Variants in DIP2C observed in about 807,000 individuals in gnomAD.
DIP2C encodes the protein DIP2 acetate--CoA ligase C (putative).
Under a neutral mutation model 192.4 loss-of-function variants are expected in DIP2C, and 33 were observed. The observed-to-expected ratio is 0.17, with a 90% CI of 0.13 to 0.23. The LOEUF (loss-of-function observed/expected upper bound fraction) is 0.23, where lower values mean the gene tolerates loss of function less well. DIP2C is among the 10% of genes least tolerant of loss of function. The pLI is 1.00. For missense variants in DIP2C, 1,537 were observed against 2,110.1 expected (o/e 0.73, Z 5.32); for synonymous variants, 979 against 864.1 (o/e 1.13, Z -2.33).
At chr10:554,789 A>C (rs1848755957) in intron 1 of DIP2C, among the ~76,000 whole-genome samples, 1 of 152,224 alleles carries the variant, frequency 6.6e-6, no homozygotes, top group South Asian at 2.1e-4. Flanking sequence ...CTTCATCAAA[A>C]GGCATCAGGA....
chr10:447,774 T>G (rs59876801), intron 3 of DIP2C, among the ~76,000 whole-genome samples: 5 of 78,674 alleles, frequency 6.4e-5, no homozygotes, highest in South Asian at 4.4e-4. Context: ...CATCCCCGTC[T>G]ATACTCAGGA....
intron 1 of DIP2C, among the ~76,000 whole-genome samples, chr10:575,721 A>AG (rs1850108333): frequency 1.3e-5 from 2 of 152,208 alleles, no homozygotes. Flanking sequence ...AGGAAGTCAT[A>AG]GGGAGGGCAG....
chr10:303,757 A>C (rs1956173135), intron 32 of DIP2C, among the ~76,000 whole-genome samples: 1 of 152,188 alleles, frequency 6.6e-6, no homozygotes, highest in Non-Finnish European at 1.5e-5. Flanking sequence ...TCCCGACCTC[A>C]GGTGATCTGC....
chr10:483,359 G>A (rs902974139), intron 2 of DIP2C, among the ~76,000 whole-genome samples: 1 of 152,070 alleles, frequency 6.6e-6, no homozygotes, highest in African/African-American at 2.4e-5. Context: ...GGCCAACCAA[G>A]AAAGCAGCCT....
At chr10:505,717 T>C (rs936539296) in intron 1 of DIP2C, among the ~76,000 whole-genome samples, 1 of 149,866 alleles carries the variant, frequency 6.7e-6, no homozygotes, top group Non-Finnish European at 1.5e-5. Flanking sequence ...GGGGACCACC[T>C]GCCCAGCTAT....
At chr10:450,349 G>T (rs901995221) in intron 3 of DIP2C, among the ~76,000 whole-genome samples, 2 of 152,174 alleles carry the variant, frequency 1.3e-5, no homozygotes, top group Non-Finnish European at 2.9e-5. Flanking sequence ...TCAGGATCTG[G>T]CACCTTGACT....
In DIP2C at chr10:544,679, T is replaced by C. The variant is rs773418599; in HGVS notation, c.86-58149A>G. Among the ~76,000 whole-genome samples the C allele has an allele frequency of 9.2e-5, 14 of 152,382 alleles. No individual in the cohort carries two copies. In the East Asian group the frequency reaches 2.7e-3, roughly 29 times the overall value. ...GTGGTTTTCATTTTCATTTCTAAGA[T>C]GACTAATTCTGTTAAATATCTCATG... is the stretch of plus-strand genomic sequence containing the variant. On this transcript the variant is annotated intron_variant, in intron 1 of 36. Transcript: ENST00000280886.
At chr10:522,400 G>C (rs151305535) in intron 1 of DIP2C, among the ~76,000 whole-genome samples, 1 of 152,218 alleles carries the variant, frequency 6.6e-6, no homozygotes, top group African/African-American at 2.4e-5. Context: ...GCAGATTTCC[G>C]CATGGAAGTA....
At chr10:543,453 T>C (rs996951661) in intron 1 of DIP2C, among the ~76,000 whole-genome samples, 1 of 152,252 alleles carries the variant, frequency 6.6e-6, no homozygotes, top group African/African-American at 2.4e-5. Context: ...CATCTCTTAC[T>C]GCACCACTAA....
At chr10:591,291 A>G (rs1442391981) in intron 1 of DIP2C, among the ~76,000 whole-genome samples, 2 of 151,976 alleles carry the variant, frequency 1.3e-5, no homozygotes, top group African/African-American at 2.4e-5. Context: ...CGCCTGGCTA[A>G]TATTCATATT....
At chr10:317,423 C>T (rs1190335283) in intron 31 of DIP2C, among the ~76,000 whole-genome samples, 1 of 152,212 alleles carries the variant, frequency 6.6e-6, no homozygotes, top group African/African-American at 2.4e-5. Context: ...GCAGCCTGGA[C>T]GCCATGCTCT....
chr10:454,550 T>C (rs1969128034), intron 3 of DIP2C, among the ~76,000 whole-genome samples: 1 of 121,506 alleles, frequency 8.2e-6, no homozygotes, highest in South Asian at 2.2e-4. Flanking sequence ...AAAGAGGTAG[T>C]ATACAAATGC....
In DIP2C at chr10:646,471, G is replaced by A. The variant is rs139463585; in HGVS notation, c.85+43023C>T. Among the ~76,000 whole-genome samples the A allele has an allele frequency of 2.8e-3, 424 of 152,328 alleles. 2 individuals carry two copies. Among genetic ancestry groups the A allele is most frequent in the African/African-American group, 9.4e-3 (389 of 41,570 alleles). ...CAGCAAGAGGGGACGGGTGGCGACC[G>A]CACCAGCCAGGTAGCACCTGCTCCT... On this transcript the variant is annotated intron_variant, in intron 1 of 36. Coordinates refer to ENST00000280886, the MANE Select transcript of DIP2C (RefSeq NM_014974.3).
At chr10:529,625 G>T (rs1847255873) in intron 1 of DIP2C, among the ~76,000 whole-genome samples, 1 of 152,146 alleles carries the variant, frequency 6.6e-6, no homozygotes, top group African/African-American at 2.4e-5. Context: ...AAACGATCAG[G>T]GTGGGAGGGC....
intron 29 of DIP2C, among the ~76,000 whole-genome samples, chr10:339,461 C>T (rs892613692): frequency 6.6e-6 from 1 of 150,694 alleles, no homozygotes; most frequent in Admixed American, 6.6e-5. Flanking sequence ...ATTGTGGGTT[C>T]ACACGGAGAA....
intron 1 of DIP2C, among the ~76,000 whole-genome samples, chr10:589,367 T>C (rs1007429845): frequency 6.6e-6 from 1 of 152,182 alleles, no homozygotes; most frequent in Non-Finnish European, 1.5e-5. Context: ...TTCTTCCCTA[T>C]GGATCATTGG....
chr10:331,268 TAAGG>T (rs1331406566), intron 29 of DIP2C, among the ~76,000 whole-genome samples: 2 of 152,172 alleles, frequency 1.3e-5, no homozygotes, highest in Admixed American at 6.5e-5. Context: ...TAAAGAAATG[TAAGG>T]AAGTTAGGTT....
chr10:609,321 C>T (rs1197881626), intron 1 of DIP2C, among the ~76,000 whole-genome samples: 2 of 152,148 alleles, frequency 1.3e-5, no homozygotes, highest in African/African-American at 4.8e-5. Flanking sequence ...GAAGGCTGTT[C>T]CCTGGCTGTC....
chr10:610,297 G>T (rs888788706), intron 1 of DIP2C, among the ~76,000 whole-genome samples: 1 of 152,126 alleles, frequency 6.6e-6, no homozygotes, highest in Admixed American at 6.5e-5. Context: ...TGGTCAGCAG[G>T]GCCCACTCAT....
Sources: gnomAD v4.1 joint callset for allele counts (sites outside exome capture counted in the v4.1 genomes callset) on GRCh38, gnomAD v4.1.1 for gene constraint, MANE v1.5 for transcripts, NCBI Gene and HGNC (gene_info 2026-07-23, HGNC 2026-07-21) for gene names.